The following RCOR1 variants were observed in gnomAD, a reference collection of about 807,000 sequenced individuals.
The protein encoded by RCOR1 is REST corepressor.
Under a neutral mutation model 64.0 loss-of-function variants are expected in RCOR1, and 12 were observed. The ratio of observed to expected loss-of-function variants is 0.19; its 90% CI spans 0.12 to 0.30. RCOR1 has a LOEUF of 0.30. Ranked by LOEUF, RCOR1 falls within the 10% of genes least tolerant of loss-of-function variation. The probability of loss-of-function intolerance (pLI) is 1.00; values close to 1 mark genes in which losing one functional copy is unlikely to be tolerated. For synonymous variants in RCOR1, 279 were observed against 227.2 expected (o/e 1.23, Z -2.05); for missense variants, 502 against 621.2 (o/e 0.81, Z 2.04).
chr14:102,663,389 T>C (rs1894862022), intron 2 of RCOR1, among the ~76,000 whole-genome samples: 1 of 152,246 alleles, frequency 6.6e-6, no homozygotes, highest in Non-Finnish European at 1.5e-5. Context: ...ACATCCTGTT[T>C]TGCCAAACTT....
At chr14:102,720,325 G>T (rs1009513323) in intron 8 of RCOR1, among the ~76,000 whole-genome samples, 1 of 152,174 alleles carries the variant, frequency 6.6e-6, no homozygotes, top group African/African-American at 2.4e-5. Context: ...GCCATAGCCT[G>T]GGAGGTTGGT....
At chr14:102,701,361 T>TA (rs778571773) in intron 4 of RCOR1, 31 bp downstream of exon 4, 3 of 1,504,514 alleles carry the variant, frequency 2.0e-6, no homozygotes, top group East Asian at 2.4e-5. Context: ...CTTTTGCTGT[T>TA]AAAAAATGAG....
chr14:102,610,587 G>T (rs1024276180), intron 2 of RCOR1, among the ~76,000 whole-genome samples: 31 of 152,038 alleles, frequency 2.0e-4, no homozygotes, highest in Non-Finnish European at 4.4e-4. Flanking sequence ...GTGTGTGACA[G>T]AGTGTCGCTC....
At chr14:102,662,570 T>C in intron 2 of RCOR1, 1 of 468,786 alleles carries the variant, frequency 2.1e-6, no homozygotes, top group Non-Finnish European at 4.1e-6. Flanking sequence ...TTTGGGCCGC[T>C]GGAAGGTGGG....
In RCOR1 at chr14:102,710,930, TC is replaced by T; in HGVS notation, c.780-3del. 2 of 1,594,326 alleles carry T rather than the reference TC, an allele frequency of 1.3e-6. No homozygotes were observed. The highest frequency in any genetic ancestry group is 1.7e-6 in the Non-Finnish European group (2 of 1,171,116). On this transcript the variant is annotated splice_polypyrimidine_tract_variant and splice_region_variant and intron_variant, in intron 6 of 11. Transcript: ENST00000262241. Reference sequence around the variant, plus strand: ...ATCATTCAGTAACTTGTTCTTGTCTTCCAGCGAGGATGAACTGGAAGAGGCA... The same window carrying T: ...ATCATTCAGTAACTTGTTCTTGTCTTCAGCGAGGATGAACTGGAAGAGGCA...
intron 2 of RCOR1, among the ~76,000 whole-genome samples, chr14:102,600,779 C>T (rs1163461105): frequency 8.0e-5 from 12 of 150,526 alleles, no homozygotes; most frequent in Non-Finnish European, 1.8e-4. Context: ...ACCATGTTAG[C>T]CAGGATGGTC....
chr14:102,718,244 T>G (rs1896105594), intron 8 of RCOR1, among the ~76,000 whole-genome samples: 1 of 152,094 alleles, frequency 6.6e-6, no homozygotes, highest in Admixed American at 6.5e-5. Flanking sequence ...TGGAGCCATT[T>G]TGCAACCCTC....
intron 3 of RCOR1, among the ~76,000 whole-genome samples, chr14:102,696,209 G>A (rs537628504): frequency 1.3e-5 from 2 of 152,068 alleles, no homozygotes; most frequent in South Asian, 2.1e-4. Context: ...GTGGGAAATC[G>A]GTTCATTTTT....
intron 2 of RCOR1, among the ~76,000 whole-genome samples, chr14:102,636,128 T>G (rs368778417): frequency 7.1e-4 from 107 of 151,308 alleles, no homozygotes; most frequent in African/African-American, 2.3e-3. Context: ...TTAGTAGAGA[T>G]GGGGTTTCAC....
At chr14:102,676,218 C>T (rs1417582635) in intron 2 of RCOR1, among the ~76,000 whole-genome samples, 1 of 150,506 alleles carries the variant, frequency 6.6e-6, no homozygotes, top group Non-Finnish European at 1.5e-5. Flanking sequence ...CCCCAATGAG[C>T]CGCTGGGCAC....
rs1894220722 is a variant in RCOR1 at position 102,635,672 on chromosome 14, A to ATTTT, written c.361+42348_361+42349insTTTT. ...GCAAGTTGACACATTTTTTTTTCTA[A>ATTTT]TATTCTGTATTACAACTAATCTGCA... On this transcript the variant is annotated intron_variant, in intron 2 of 11. Coordinates refer to ENST00000262241, the MANE Select transcript of RCOR1 (RefSeq NM_015156.4). Among the ~76,000 whole-genome samples the ATTTT allele has an allele frequency of 2.6e-5, 4 of 152,058 alleles. No homozygotes were observed. In the South Asian group the frequency reaches 6.2e-4, roughly 24 times the overall value.
At chr14:102,653,428 C>A (rs532581336) in intron 2 of RCOR1, among the ~76,000 whole-genome samples, 1 of 152,022 alleles carries the variant, frequency 6.6e-6, no homozygotes. Context: ...CCACGTTGTC[C>A]AGGCTGGCCT....
chr14:102,659,122 G>A (rs541116636), intron 2 of RCOR1: 19 of 985,220 alleles, frequency 1.9e-5, no homozygotes, highest in African/African-American at 1.2e-4. Flanking sequence ...GTCTTTGCCC[G>A]TTATTCTACC....
intron 2 of RCOR1, among the ~76,000 whole-genome samples, chr14:102,622,263 C>G (rs889811839): frequency 6.6e-6 from 1 of 152,126 alleles, no homozygotes; most frequent in African/African-American, 2.4e-5. Context: ...CCTCTTTCAG[C>G]AGAAAGCAAT....
chr14:102,629,826 C>T (rs1417596120), intron 2 of RCOR1, among the ~76,000 whole-genome samples: 1 of 152,120 alleles, frequency 6.6e-6, no homozygotes, highest in African/African-American at 2.4e-5. Flanking sequence ...AATCCTACAC[C>T]ACACATGTCA....
At chr14:102,712,390 A>G (rs1238537985) in intron 7 of RCOR1, among the ~76,000 whole-genome samples, 3 of 151,544 alleles carry the variant, frequency 2.0e-5, no homozygotes, top group Non-Finnish European at 4.4e-5. Flanking sequence ...GGGTTTCATC[A>G]TGTTGGCCAG....
Position 102,692,710 on chromosome 14 carries a change from C to CCCCTTCCTTCCTTCCT in RCOR1, c.446-8568_446-8567insCCCTTCCTTCCTTCCT, listed in dbSNP as rs1555466541. Among the ~76,000 whole-genome samples, 3 of 118,708 alleles carry CCCCTTCCTTCCTTCCT rather than the reference C, an allele frequency of 2.5e-5. No individual in the cohort carries two copies. In the East Asian group the frequency reaches 7.5e-4, roughly 30 times the overall value. The allele number at this position is 118,708 out of a possible 152,430, so 77.9% of individuals were successfully genotyped here. On this transcript the variant is annotated intron_variant, in intron 3 of 11. Coordinates refer to ENST00000262241, the MANE Select transcript of RCOR1 (RefSeq NM_015156.4). ...TAGCATACTTTATTCAACTACATCT[C>CCCCTTCCTTCCTTCCT]TCCTTCCTTCCTTCCTTCCTTCCTT...
chr14:102,665,329 TTA>T (rs1491534404), intron 2 of RCOR1, among the ~76,000 whole-genome samples: 2,335 of 150,798 alleles, frequency 0.015, 70 homozygotes, highest in African/African-American at 0.054. Context: ...TTTTTTTTTT[TTA>T]AATAAAATAG....
intron 3 of RCOR1, among the ~76,000 whole-genome samples, chr14:102,683,151 T>C (rs954675968): frequency 6.6e-6 from 1 of 152,186 alleles, no homozygotes; most frequent in Non-Finnish European, 1.5e-5. Flanking sequence ...GCCTATAAAA[T>C]AAATTTACAG....
Sources: gnomAD v4.1 joint callset for allele counts (sites outside exome capture counted in the v4.1 genomes callset) on GRCh38, gnomAD v4.1.1 for gene constraint, MANE v1.5 for transcripts, NCBI Gene and HGNC (gene_info 2026-07-23, HGNC 2026-07-21) for gene names.